TRPC4: variants seen among roughly 807,000 people sequenced by gnomAD.
The protein encoded by TRPC4 is short transient receptor potential channel 4.
TRPC4 carries 49 observed loss-of-function variants against 99.4 expected under a neutral mutation model. The ratio of observed to expected loss-of-function variants is 0.49; its 90% CI spans 0.39 to 0.63. The LOEUF is 0.63. TRPC4 is among the 20% of genes least tolerant of loss of function. The probability of loss-of-function intolerance (pLI) is 0.00; values close to 1 mark genes in which losing one functional copy is unlikely to be tolerated. For missense variants in TRPC4, 898 were observed against 1,152.9 expected (o/e 0.78, Z 3.20); for synonymous variants, 454 against 425.9 (o/e 1.07, Z -0.81).
At chr13:37,676,575 G>A (rs1392203943) in intron 4 of TRPC4, among the ~76,000 whole-genome samples, 1 of 152,044 alleles carries the variant, frequency 6.6e-6, no homozygotes. Flanking sequence ...GTGTCATCAT[G>A]TTGGCCAGGA....
intron 2 of TRPC4, among the ~76,000 whole-genome samples, chr13:37,771,379 G>A (rs1168585653): frequency 6.6e-6 from 1 of 151,764 alleles, no homozygotes; most frequent in Non-Finnish European, 1.5e-5. Context: ...AAATTGAAGA[G>A]GGAGCAGAAG....
chr13:37,813,834 C>T (rs1203473979), intron 1 of TRPC4, among the ~76,000 whole-genome samples: 1 of 151,762 alleles, frequency 6.6e-6, no homozygotes, highest in Non-Finnish European at 1.5e-5. Flanking sequence ...CTTTACAACT[C>T]ATTCTATGAA....
rs533628879 is a variant in TRPC4 at position 37,832,786 on chromosome 13, A to G, written c.-28+36809T>C. ...ACTGTTTACAAAATATATGCTTTAA[A>G]TGTAAAGATAACAGTTAAAAGTAAA... On this transcript the variant is annotated intron_variant, in intron 1 of 10. Coordinates refer to ENST00000379705, the MANE Select transcript of TRPC4 (RefSeq NM_016179.4). Among the ~76,000 whole-genome samples, 55 of 152,318 alleles carry G rather than the reference A, an allele frequency of 3.6e-4. No homozygotes were observed. The South Asian group carries it at 0.011, about 31-fold the overall frequency.
intron 1 of TRPC4, among the ~76,000 whole-genome samples, chr13:37,845,323 T>G (rs1566218501): frequency 6.6e-6 from 1 of 151,766 alleles, no homozygotes; most frequent in East Asian, 1.9e-4. Flanking sequence ...GAAATGGAGA[T>G]CTATAAAATG....
Position 37,637,172 on chromosome 13 carries a change from G to C in TRPC4, c.2665C>G (p.Arg889Gly). The change falls in exon 11 of 11, where the codon CGA becomes GGA. Residue 889 changes from arginine (R) to glycine (G), a missense_variant. Around this residue, in one of 3 missense-constraint regions of TRPC4, gnomAD observed 346 missense variants for 351.4 expected, o/e 0.98. Transcript: ENST00000379705. ...PLERNIQLESRGLASRGDLSI... is the reference protein window; with the variant it reads ...PLERNIQLESGGLASRGDLSI... ...AGGTCACCCCGTGAAGCTAATCCTC[G>C]AGATTCCAGTTGAATATTTCTCTCA... The C allele has an allele frequency of 6.2e-7, 1 of 1,613,782 alleles. No homozygotes were observed.
At chr13:37,701,312 G>A (rs1218979168) in intron 3 of TRPC4, among the ~76,000 whole-genome samples, 7 of 152,064 alleles carry the variant, frequency 4.6e-5, no homozygotes, top group Non-Finnish European at 8.8e-5. Context: ...AATTGTCAAT[G>A]ATTCCTGCTG....
At chr13:37,695,252 CCTCA>C (rs1370975914) in intron 3 of TRPC4, among the ~76,000 whole-genome samples, 1 of 151,920 alleles carries the variant, frequency 6.6e-6, no homozygotes, top group Non-Finnish European at 1.5e-5. Context: ...CTGTTGCCTC[CCTCA>C]CTGTTTACTT....
chr13:37,660,942 T>G (rs1156436198), intron 6 of TRPC4, among the ~76,000 whole-genome samples: 2 of 152,180 alleles, frequency 1.3e-5, no homozygotes, highest in African/African-American at 4.8e-5. Flanking sequence ...AAGAGACAGG[T>G]GACTTAAGCC....
At chr13:37,644,699 T>C (rs1951816834) in intron 8 of TRPC4, among the ~76,000 whole-genome samples, 1 of 151,566 alleles carries the variant, frequency 6.6e-6, no homozygotes, top group Admixed American at 6.6e-5. Context: ...TGAAACTCCG[T>C]CTCTACTAAA....
chr13:37,825,403 G>A (rs912279141), intron 1 of TRPC4, among the ~76,000 whole-genome samples: 1 of 151,290 alleles, frequency 6.6e-6, no homozygotes, highest in Non-Finnish European at 1.5e-5. Context: ...TTCTCTTGTG[G>A]GCATTTAGTG....
intron 2 of TRPC4, among the ~76,000 whole-genome samples, chr13:37,748,831 TTAAAATATGTGAGAA>T (rs1433587741): frequency 6.6e-6 from 1 of 152,086 alleles, no homozygotes; most frequent in Non-Finnish European, 1.5e-5. Context: ...AGTAAGTTTA[TTAAAATATGTGAGAA>T]TATACCAAGA....
chr13:37,709,551 A>G (rs748866686), intron 3 of TRPC4, among the ~76,000 whole-genome samples: 3 of 151,910 alleles, frequency 2.0e-5, no homozygotes, highest in Non-Finnish European at 4.4e-5. Flanking sequence ...TCATGCACAC[A>G]TTCAAAACTC....
intron 2 of TRPC4, among the ~76,000 whole-genome samples, chr13:37,764,754 G>A (rs1005342417): frequency 2.8e-5 from 4 of 140,930 alleles, no homozygotes; most frequent in African/African-American, 1.0e-4. Flanking sequence ...GTTTGCTAAA[G>A]TTTTTTTTGT....
intron 3 of TRPC4, among the ~76,000 whole-genome samples, chr13:37,741,702 C>T (rs187891843): frequency 1.3e-5 from 2 of 152,080 alleles, no homozygotes; most frequent in African/African-American, 2.4e-5. Context: ...GCTTTCATTA[C>T]GGGCGAGCTG....
In TRPC4 at chr13:37,637,514, C is replaced by T. The variant is rs1951572391; in HGVS notation, c.2323G>A (p.Ala775Thr). 2 of 1,613,658 alleles carry T rather than the reference C, an allele frequency of 1.2e-6. No individual in the cohort carries two copies. Among genetic ancestry groups the T allele is most frequent in the Non-Finnish European group, 1.7e-6 (2 of 1,179,774 alleles). ...ANASKESSNS[A>T]DSDEKSDSEG... ...CTATCACTCTTTTCATCTGAGTCTG[C>T]CGAATTTGAAGACTCCTTCGAGGCA... is the stretch of plus-strand genomic sequence containing the variant. The change falls in exon 11 of 11, where the codon GCA becomes ACA. Residue 775 changes from alanine (A) to threonine (T), a missense_variant. Around this residue, in one of 3 missense-constraint regions of TRPC4, gnomAD observed 346 missense variants for 351.4 expected, o/e 0.98. Transcript: ENST00000379705.
intron 1 of TRPC4, among the ~76,000 whole-genome samples, chr13:37,867,536 C>T (rs1959842941): frequency 6.6e-6 from 1 of 151,960 alleles, no homozygotes. Context: ...TTGTCTTTAT[C>T]ACAGGGTATG....
chr13:37,697,150 CTAAT>C (rs1021651578), intron 3 of TRPC4, among the ~76,000 whole-genome samples: 12 of 152,076 alleles, frequency 7.9e-5, no homozygotes, highest in African/African-American at 2.7e-4. Flanking sequence ...AGGTGAAACA[CTAAT>C]TAAGCCAATA....
chr13:37,789,056 G>C (rs1957044965), intron 1 of TRPC4, among the ~76,000 whole-genome samples: 1 of 151,988 alleles, frequency 6.6e-6, no homozygotes. Flanking sequence ...ATCCTCCCCA[G>C]TGCCACATAC....
chr13:37,850,755 T>A (rs1214411957), intron 1 of TRPC4, among the ~76,000 whole-genome samples: 1 of 152,178 alleles, frequency 6.6e-6, no homozygotes, highest in Non-Finnish European at 1.5e-5. Context: ...AAATTAACTT[T>A]TCTTAAAGAA....
Sources: allele counts gnomAD v4.1 joint callset (sites outside exome capture counted in the v4.1 genomes callset), GRCh38; gene constraint gnomAD v4.1.1; regional missense constraint gnomAD v4.1.1; transcripts MANE v1.5; gene names NCBI Gene and HGNC (gene_info 2026-07-23, HGNC 2026-07-21).